Variants in FGF14 observed in about 807,000 individuals in gnomAD.
The protein encoded by FGF14 is fibroblast growth factor homologous factor 4.
FGF14 carries 5 observed loss-of-function variants against 25.5 expected under a neutral mutation model. The ratio of observed to expected loss-of-function variants is 0.20; its 90% confidence interval spans 0.10 to 0.41. The LOEUF (loss-of-function observed/expected upper bound fraction) is 0.41. FGF14 is among the 10% of genes least tolerant of loss of function. The pLI is 1.00. For synonymous variants in FGF14, 138 were observed against 118.3 expected (o/e 1.17, Z -1.08); for missense variants, 222 against 320.1 (o/e 0.69, Z 2.34).
chr13:101,893,872 C>T (rs1371129705), intron 1 of FGF14, among the ~76,000 whole-genome samples: 1 of 152,130 alleles, frequency 6.6e-6, no homozygotes, highest in African/African-American at 2.4e-5. Flanking sequence ...ATTGTTACAG[C>T]AGTGAGAAAC....
chr13:102,320,412 G>A (rs1038276980), intron 1 of FGF14, among the ~76,000 whole-genome samples: 1 of 152,116 alleles, frequency 6.6e-6, no homozygotes, highest in Non-Finnish European at 1.5e-5. Context: ...CACCTCCCTG[G>A]CATGCATTCA....
intron 1 of FGF14, among the ~76,000 whole-genome samples, chr13:102,079,479 C>A (rs1043766586): frequency 2.0e-5 from 3 of 152,092 alleles, no homozygotes; most frequent in African/African-American, 7.2e-5. Context: ...TAGAATCTCA[C>A]TCTGTTGCCC....
chr13:102,222,965 G>A (rs935819504), intron 1 of FGF14, among the ~76,000 whole-genome samples: 5 of 152,178 alleles, frequency 3.3e-5, no homozygotes, highest in African/African-American at 1.2e-4. Context: ...CATATTTTAA[G>A]AGACTATGTA....
At chr13:102,229,234 T>C (rs1208297111) in intron 1 of FGF14, among the ~76,000 whole-genome samples, 1 of 152,236 alleles carries the variant, frequency 6.6e-6, no homozygotes, top group African/African-American at 2.4e-5. Context: ...CATTAAGCTC[T>C]GTTGTCCTAA....
At chr13:102,069,491 A>C (rs991115929) in intron 1 of FGF14, among the ~76,000 whole-genome samples, 1 of 152,172 alleles carries the variant, frequency 6.6e-6, no homozygotes, top group African/African-American at 2.4e-5. Context: ...AAATCTTGCT[A>C]CTGCTCACTC....
chr13:101,755,055 T>C (rs1351799714), intron 3 of FGF14, among the ~76,000 whole-genome samples: 1 of 152,136 alleles, frequency 6.6e-6, no homozygotes, highest in African/African-American at 2.4e-5. Flanking sequence ...TATAAACTTA[T>C]ACAAACAAAT....
At chr13:102,015,095 A>T (rs1210605885) in intron 1 of FGF14, among the ~76,000 whole-genome samples, 2 of 152,166 alleles carry the variant, frequency 1.3e-5, no homozygotes, top group Non-Finnish European at 2.9e-5. Context: ...CTTAGTAGAG[A>T]TGGGGTTTCA....
rs1383656149 is a variant in FGF14 at position 102,113,214 on chromosome 13, T to A, written c.209-237918A>T. Among the ~76,000 whole-genome samples, 3 of 152,226 alleles carry A rather than the reference T, an allele frequency of 2.0e-5. No individual in the cohort carries two copies. In the East Asian group the frequency reaches 5.8e-4, roughly 29 times the overall value. Reference sequence around the variant, plus strand: ...ATAAACTGAATTGGATTTGCTGGTATAACAGTTAAAAGATCAGAATCAGTT... The same window carrying A: ...ATAAACTGAATTGGATTTGCTGGTAAAACAGTTAAAAGATCAGAATCAGTT... On this transcript the variant is annotated intron_variant, in intron 1 of 4. Coordinates refer to the FGF14 transcript ENST00000376131.
At chr13:101,737,604 C>G (rs777404590) in intron 3 of FGF14, among the ~76,000 whole-genome samples, 1 of 152,064 alleles carries the variant, frequency 6.6e-6, no homozygotes, top group Admixed American at 6.5e-5. Flanking sequence ...TACAAAATGA[C>G]ATATTTTGGA....
chr13:101,998,235 T>TA (rs2039294334), intron 1 of FGF14, among the ~76,000 whole-genome samples: 1 of 152,216 alleles, frequency 6.6e-6, no homozygotes, highest in Admixed American at 6.5e-5. Context: ...GACTTCTGCT[T>TA]ACTCTCAAGA....
chr13:102,057,369 G>C (rs1193522077), intron 1 of FGF14, among the ~76,000 whole-genome samples: 1 of 152,152 alleles, frequency 6.6e-6, no homozygotes, highest in Non-Finnish European at 1.5e-5. Context: ...AGTCAACAGT[G>C]AGTCTGATTG....
chr13:102,151,490 C>CA (rs2047083332), intron 1 of FGF14, among the ~76,000 whole-genome samples: 1 of 152,078 alleles, frequency 6.6e-6, no homozygotes, highest in African/African-American at 2.4e-5. Flanking sequence ...GAGATACCTT[C>CA]AGTTCCTTTT....
Position 102,157,058 on chromosome 13 carries a change from A to G in FGF14, c.208+244413T>C, listed in dbSNP as rs141835934. Among the ~76,000 whole-genome samples, 849 of 152,340 alleles carry G rather than the reference A, an allele frequency of 5.6e-3. 10 individuals are homozygous for G. Among genetic ancestry groups the G allele is most frequent in the Non-Finnish European group, 9.0e-3 (613 of 68,028 alleles). ...CCATGCTCATGGGTAGGAAGAATCAATATGACGAAAATGGCCATACTGCCC... is the reference window on the plus strand; with the variant it reads ...CCATGCTCATGGGTAGGAAGAATCAGTATGACGAAAATGGCCATACTGCCC... On this transcript the variant is annotated intron_variant, in intron 1 of 4. Coordinates refer to the FGF14 transcript ENST00000376131.
chr13:102,075,458 A>C (rs2043321599), intron 1 of FGF14, among the ~76,000 whole-genome samples: 1 of 152,170 alleles, frequency 6.6e-6, no homozygotes, highest in Non-Finnish European at 1.5e-5. Flanking sequence ...TGCATTTCTC[A>C]TGTGTTTGTG....
chr13:101,845,916 A>C (rs1001434304), intron 3 of FGF14, among the ~76,000 whole-genome samples: 2 of 152,020 alleles, frequency 1.3e-5, no homozygotes, highest in African/African-American at 4.8e-5. Context: ...AACTATAGTC[A>C]TATGTATAGT....
At chr13:102,326,664 G>A (rs1275624260) in intron 1 of FGF14, among the ~76,000 whole-genome samples, 3 of 91,448 alleles carry the variant, frequency 3.3e-5, no homozygotes, top group Non-Finnish European at 6.6e-5. Flanking sequence ...GGAGGGGAAG[G>A]GAGGGGAAGG....
intron 2 of FGF14, among the ~76,000 whole-genome samples, chr13:101,871,888 A>G (rs936739460): frequency 2.6e-5 from 4 of 152,006 alleles, no homozygotes; most frequent in African/African-American, 9.7e-5. Flanking sequence ...CCATTTACCC[A>G]TCATCCACAA....
intron 1 of FGF14, among the ~76,000 whole-genome samples, chr13:102,264,570 A>C (rs2052890291): frequency 6.6e-6 from 1 of 152,026 alleles, no homozygotes; most frequent in Non-Finnish European, 1.5e-5. Context: ...AAAATAACAC[A>C]CTTCTTGTTG....
upstream of FGF14, among the ~76,000 whole-genome samples, chr13:101,917,545 G>A (rs2033659152): frequency 1.3e-5 from 2 of 151,828 alleles, no homozygotes; most frequent in Non-Finnish European, 2.9e-5. Context: ...CGTGGTTACC[G>A]GTGCACTGAA....
Sources: gnomAD v4.1 joint callset for allele counts (sites outside exome capture counted in the v4.1 genomes callset) on GRCh38, gnomAD v4.1.1 for gene constraint, MANE v1.5 for transcripts, NCBI Gene and HGNC (gene_info 2026-07-23, HGNC 2026-07-21) for gene names.